MLLT11: variants seen among roughly 807,000 people sequenced by gnomAD.
MLLT11 encodes the protein MLLT11 transcription factor 7 cofactor.
In MLLT11, 1 loss-of-function variant was observed where a neutral mutation model predicts 5.3. The observed-to-expected ratio is 0.19, with a 90% confidence interval of 0.07 to 0.89. MLLT11 has a LOEUF of 0.89. Ranked by LOEUF, MLLT11 falls within the 40% of genes least tolerant of loss-of-function variation. MLLT11 has a pLI of 0.67. For missense variants in MLLT11, 87 were observed against 107.3 expected, an observed-to-expected ratio of 0.81 and a Z score of 0.83; for synonymous variants, 38 against 41.7, an observed-to-expected ratio of 0.91 and a Z score of 0.34.
At chr1:151,067,074 G>A (rs1292908012) in intron 1 of MLLT11, 145 bp from the exon 2 acceptor site, 6 of 639,902 alleles carry the variant, frequency 9.4e-6, no homozygotes, top group African/African-American at 7.4e-5. Context: ...TGGGATTGGA[G>A]GATATACAAT....
At chr1:151,066,647 G>A (rs1374911399) in intron 1 of MLLT11, among the ~76,000 whole-genome samples, 1 of 152,142 alleles carries the variant, frequency 6.6e-6, no homozygotes, top group Non-Finnish European at 1.5e-5. Context: ...AAATTCGGCC[G>A]GGCGCGGTGG....
In MLLT11 at chr1:151,069,425, G is replaced by C. The variant is rs969628594; in HGVS notation, c.*1928G>C. 6.6e-6 allele frequency among the ~76,000 whole-genome samples: 1 copy of C among 152,198 alleles called. No homozygotes were observed. Among genetic ancestry groups the C allele is most frequent in the African/African-American group, 2.4e-5 (1 of 41,446 alleles). ...CGAAGAATGGGGCCAGGAAGGATAA[G>C]TAGTGCGTCCTTTTCTATTTTTACT... On this transcript the variant is annotated 3_prime_UTR_variant, in exon 2 of 2. Transcript: ENST00000368921.
chr1:151,067,386 A>G lies in MLLT11; in HGVS notation c.162A>G (p.Ala54=), dbSNP rs1422579384. 1.9e-6 allele frequency: 3 copies of G among 1,614,094 alleles called. No individual in the cohort carries two copies. Among genetic ancestry groups the G allele is most frequent in the African/African-American group, 2.7e-5 (2 of 74,930 alleles). The change falls in exon 2 of 2, where the codon GCA becomes GCG. Residue 54 remains alanine, a synonymous_variant. Transcript: ENST00000368921. ...GCAAAATGATCGGGCAAGCAACTGC[A>G]GCAGACCAGGAGAAAAACCCTGAAG... The part of the protein sequence containing the change: ...SVGKMIGQAT[A]ADQEKNPEGD...
intron 1 of MLLT11, 192 bp from the exon 2 acceptor site, chr1:151,067,027 G>A (rs111503238): frequency 1.5e-5 from 7 of 480,910 alleles, no homozygotes; most frequent in Admixed American, 3.8e-5. Flanking sequence ...GGGATGGTGA[G>A]TTTCTTTTTT....
At position 151,068,074 on chromosome 1, in the gene MLLT11, G is replaced by C; in HGVS notation, c.*577G>C. ...GAGGGTAGTTAGAGGTATAAAACAG[G>C]AGGAAATATTATGGAAAATGAAAAT... is the stretch of plus-strand genomic sequence containing the variant. On this transcript the variant is annotated 3_prime_UTR_variant, in exon 2 of 2. Coordinates refer to ENST00000368921, the MANE Select transcript of MLLT11 (RefSeq NM_006818.4). 1 of 240,780 alleles carries C rather than the reference G, an allele frequency of 4.2e-6. No homozygotes were observed. The highest frequency in any genetic ancestry group is 8.8e-6 in the Non-Finnish European group (1 of 113,788). 14.9% of individuals were successfully genotyped at this position (240,780 alleles called of 1,614,324 possible).
chr1:151,067,379 C>A lies in MLLT11; in HGVS notation c.155C>A (p.Ala52Glu). 1 of 1,614,128 alleles carries A rather than the reference C, an allele frequency of 6.2e-7. No homozygotes were observed. Among genetic ancestry groups the A allele is most frequent in the African/African-American group, 1.3e-5 (1 of 75,032 alleles). Residue 52 changes from alanine to glutamate, a missense_variant, in exon 2 of 2, where the codon GCA becomes GAA. Coordinates refer to ENST00000368921, the MANE Select transcript of MLLT11 (RefSeq NM_006818.4). ...DSSVGKMIGQ[A>E]TAADQEKNPE... ...AGCGTTGGCAAAATGATCGGGCAAGCAACTGCAGCAGACCAGGAGAAAAAC... is the reference window on the plus strand; with the variant it reads ...AGCGTTGGCAAAATGATCGGGCAAGAAACTGCAGCAGACCAGGAGAAAAAC...
At chr1:151,065,857 T>C (rs1233208663) in intron 1 of MLLT11, among the ~76,000 whole-genome samples, 1 of 152,182 alleles carries the variant, frequency 6.6e-6, no homozygotes, top group Non-Finnish European at 1.5e-5. Context: ...CTTTTTGTTT[T>C]TTGAGACAGG....
chr1:151,065,523 C>T (rs983176686), intron 1 of MLLT11, among the ~76,000 whole-genome samples: 1 of 152,164 alleles, frequency 6.6e-6, no homozygotes, highest in Non-Finnish European at 1.5e-5. Flanking sequence ...ACATAAAATA[C>T]ATTAACAGTG....
chr1:151,064,047 G>A (rs1422238162), intron 1 of MLLT11, among the ~76,000 whole-genome samples: 2 of 151,448 alleles, frequency 1.3e-5, no homozygotes, highest in Non-Finnish European at 2.9e-5. Context: ...TTGAGATGGA[G>A]TTTCGCTCTT....
Position 151,069,248 on chromosome 1 carries a change from G to C in MLLT11, c.*1751G>C, listed in dbSNP as rs1471461711. On this transcript the variant is annotated 3_prime_UTR_variant, in exon 2 of 2. Coordinates refer to ENST00000368921, the MANE Select transcript of MLLT11 (RefSeq NM_006818.4). ...AAAGAGAAACTGTAAATACCAATATGGATAGGACAGAATTGGGCAGTGTAC... is the reference window on the plus strand; with the variant it reads ...AAAGAGAAACTGTAAATACCAATATCGATAGGACAGAATTGGGCAGTGTAC... 6.6e-6 allele frequency among the ~76,000 whole-genome samples: 1 copy of C among 152,056 alleles called. No individual in the cohort carries two copies. The highest frequency in any genetic ancestry group is 1.9e-4 in the East Asian group (1 of 5,200).
Position 151,067,551 on chromosome 1 carries a change from C to T in MLLT11, c.*54C>T, listed in dbSNP as rs940264141. The stretch of plus-strand genomic sequence containing the variant: ...GCCCTCATTGTCTTCCCTCTCAAGC[C>T]CCTTCCTTTCCACTCCTTTCCCATT... On this transcript the variant is annotated 3_prime_UTR_variant, in exon 2 of 2. Transcript: ENST00000368921. The T allele has an allele frequency of 3.2e-6, 5 of 1,545,404 alleles. No individual in the cohort carries two copies. The African/African-American group carries it at 6.8e-5, about 21-fold the overall frequency.
Position 151,067,593 on chromosome 1 carries a change from C to T in MLLT11, c.*96C>T. On this transcript the variant is annotated 3_prime_UTR_variant, in exon 2 of 2. Coordinates refer to ENST00000368921, the MANE Select transcript of MLLT11 (RefSeq NM_006818.4). ...TTTCCCATTTTAATCTTGTTCTCTC[C>T]CTACTGTGTTGGTGGTGCTGATGAA... 4 of 1,350,994 alleles carry T rather than the reference C, an allele frequency of 3.0e-6. No homozygotes were observed. The highest frequency in any genetic ancestry group is 1.0e-6 in the Non-Finnish European group (1 of 971,272). 83.7% of individuals were successfully genotyped at this position (1,350,994 alleles called of 1,614,324 possible). A position where few individuals can be genotyped will look rare whatever the true frequency, so the allele number is the denominator to read the frequency against.
intron 1 of MLLT11, among the ~76,000 whole-genome samples, chr1:151,064,246 C>G (rs587619036): frequency 6.6e-6 from 1 of 152,238 alleles, no homozygotes; most frequent in South Asian, 2.1e-4. Context: ...GTCTTGAACT[C>G]CTCACCTCCT....
Position 151,067,289 on chromosome 1 carries a change from T to C in MLLT11, c.65T>C (p.Leu22Pro), listed in dbSNP as rs1345619357. 1 of 1,614,080 alleles carries C rather than the reference T, an allele frequency of 6.2e-7. No homozygotes were observed. The highest frequency in any genetic ancestry group is 8.5e-7 in the Non-Finnish European group (1 of 1,180,020). The stretch of plus-strand genomic sequence containing the variant: ...TTCTGGAGGATGCCCATCCCAGAAC[T>C]GGATCTGTCGGAGCTGGAAGGCCTG... The part of the protein sequence containing the change: ...FLFWRMPIPE[L>P]DLSELEGLGL... Residue 22 changes from leucine to proline, a missense_variant, in exon 2 of 2, where the codon CTG becomes CCG. Transcript: ENST00000368921.
intron 1 of MLLT11, among the ~76,000 whole-genome samples, chr1:151,062,519 C>T (rs1417905229): frequency 6.6e-6 from 1 of 152,024 alleles, no homozygotes; most frequent in Non-Finnish European, 1.5e-5. Context: ...CCTGCCACCA[C>T]ACCTGGCTAA....
chr1:151,064,507 T>C (rs1312849067), intron 1 of MLLT11, among the ~76,000 whole-genome samples: 2 of 152,124 alleles, frequency 1.3e-5, no homozygotes, highest in African/African-American at 4.8e-5. Flanking sequence ...ACAGAGAAAG[T>C]AGATTGGTCT....
chr1:151,061,276 C>A (rs1571855476), intron 1 of MLLT11, among the ~76,000 whole-genome samples: 1 of 152,218 alleles, frequency 6.6e-6, no homozygotes, highest in East Asian at 1.9e-4. Flanking sequence ...AGGTTCTGCT[C>A]CCCTCTACCA....
rs1676538031 is a variant in MLLT11, at chr1:151,069,451, G to A, written c.*1954G>A. ...TAGTGCGTCCTTTTCTATTTTTACT[G>A]AGTTTTGAAGGGCCCCTTCAGAGTC... On this transcript the variant is annotated 3_prime_UTR_variant, in exon 2 of 2. Coordinates refer to ENST00000368921, the MANE Select transcript of MLLT11 (RefSeq NM_006818.4). Among the ~76,000 whole-genome samples the A allele has an allele frequency of 6.6e-6, 1 of 152,190 alleles. No individual in the cohort carries two copies. Among genetic ancestry groups the A allele is most frequent in the Non-Finnish European group, 1.5e-5 (1 of 68,036 alleles).
Position 151,060,433 on chromosome 1 carries a change from G to GT in MLLT11, c.-126dup, listed in dbSNP as rs1273803633. ...CTCAGTCACTGAAGAGGGAAAAGGA[G>GT]TGAGAAGACAAAGCCGTCAAAGCCC... On this transcript the variant is annotated 5_prime_UTR_variant, in exon 1 of 2. Transcript: ENST00000368921. 1 of 152,216 alleles carries GT rather than the reference G, an allele frequency of 6.6e-6. No homozygotes were observed. Among genetic ancestry groups the GT allele is most frequent in the Non-Finnish European group, 1.5e-5 (1 of 68,058 alleles). 9.4% of individuals were successfully genotyped at this position (152,216 alleles called of 1,614,324 possible).
Sources: allele counts gnomAD v4.1 joint callset (sites outside exome capture counted in the v4.1 genomes callset), GRCh38; gene constraint gnomAD v4.1.1; transcripts MANE v1.5; gene names NCBI Gene and HGNC (gene_info 2026-07-23, HGNC 2026-07-21).